PTPRD: variants seen among roughly 807,000 people sequenced by gnomAD.
The protein encoded by PTPRD is receptor-type tyrosine-protein phosphatase delta.
In PTPRD, 34 loss-of-function variants were observed where a neutral mutation model predicts 214.5. That is an observed-to-expected ratio of 0.16 (90% CI 0.12 to 0.21). PTPRD has a LOEUF of 0.21. PTPRD is among the 10% of genes least tolerant of loss of function. PTPRD has a pLI of 1.00. For missense variants in PTPRD, 2,545 were observed against 2,398.7 expected (o/e 1.06, Z -1.27); for synonymous variants, 1,128 against 845.7 (o/e 1.33, Z -5.79).
chr9:9,623,441 T>A (rs1255878552), intron 7 of PTPRD, among the ~76,000 whole-genome samples: 1 of 152,198 alleles, frequency 6.6e-6, no homozygotes, highest in Non-Finnish European at 1.5e-5. Flanking sequence ...ACAATGTGTC[T>A]TTTTCCAGTA....
rs541162664 is a variant in PTPRD at position 9,040,429 on chromosome 9, A to G, written c.-142-21694T>C. ...TGAATTAAGTTAGAAAATCCTAGAG[A>G]TTTTAAAGGTGTAGAATTTTAAAAC... On this transcript the variant is annotated intron_variant, in intron 10 of 45. Transcript: ENST00000381196. Among the ~76,000 whole-genome samples the G allele has an allele frequency of 2.9e-4, 44 of 152,260 alleles. 1 individual carries two copies. The South Asian group carries it at 9.1e-3, about 32-fold the overall frequency.
intron 4 of PTPRD, among the ~76,000 whole-genome samples, chr9:9,978,548 C>T (rs1269718041): frequency 6.6e-6 from 1 of 151,876 alleles, no homozygotes; most frequent in Non-Finnish European, 1.5e-5. Flanking sequence ...AATAAAAAAG[C>T]AGAGCATTAA....
At chr9:10,312,107 G>A (rs933340564) in intron 3 of PTPRD, among the ~76,000 whole-genome samples, 1 of 151,968 alleles carries the variant, frequency 6.6e-6, no homozygotes, top group Non-Finnish European at 1.5e-5. Context: ...AGTCCAGTGA[G>A]ATGGAATATA....
intron 14 of PTPRD, among the ~76,000 whole-genome samples, chr9:8,531,543 A>G (rs2075693532): frequency 6.6e-6 from 1 of 152,128 alleles, no homozygotes; most frequent in Non-Finnish European, 1.5e-5. Flanking sequence ...AGTTTCTGAA[A>G]AAGCTCTTAG....
chr9:9,405,493 G>A (rs978985036), intron 8 of PTPRD, among the ~76,000 whole-genome samples: 1 of 151,710 alleles, frequency 6.6e-6, no homozygotes, highest in African/African-American at 2.4e-5. Context: ...GACATCACTA[G>A]AAACACACTT....
chr9:10,074,851 A>G (rs1555551960), intron 3 of PTPRD, among the ~76,000 whole-genome samples: 1 of 152,116 alleles, frequency 6.6e-6, no homozygotes, highest in African/African-American at 2.4e-5. Context: ...TATAGCCACC[A>G]TTTCAGGCCT....
chr9:10,551,628 C>T (rs1049853524), intron 2 of PTPRD, among the ~76,000 whole-genome samples: 6 of 152,060 alleles, frequency 3.9e-5, no homozygotes, highest in Admixed American at 3.3e-4. Context: ...TCTGCCAGTA[C>T]CTTGATTTTG....
chr9:9,199,769 A>G (rs184809259), intron 9 of PTPRD, among the ~76,000 whole-genome samples: 52 of 151,778 alleles, frequency 3.4e-4, no homozygotes, highest in African/African-American at 1.2e-3. Flanking sequence ...TGATTTTATT[A>G]GAAACACGCT....
chr9:9,595,493 T>C (rs1235425601), intron 7 of PTPRD, among the ~76,000 whole-genome samples: 2 of 150,862 alleles, frequency 1.3e-5, no homozygotes, highest in Admixed American at 6.6e-5. Flanking sequence ...TGTATGCATA[T>C]GTACACATGT....
At chr9:8,685,356 G>A (rs1002401366) in intron 12 of PTPRD, among the ~76,000 whole-genome samples, 2 of 151,626 alleles carry the variant, frequency 1.3e-5, no homozygotes, top group African/African-American at 2.4e-5. Context: ...TCAGAATTTT[G>A]GGGAAAAAAA....
chr9:8,373,834 A>T (rs201428176), intron 39 of PTPRD, among the ~76,000 whole-genome samples: 1 of 105,186 alleles, frequency 9.5e-6, no homozygotes, highest in Admixed American at 1.5e-4. Flanking sequence ...GTATGTATGT[A>T]TGTATGTATG....
chr9:8,903,788 C>T (rs1054434010), intron 11 of PTPRD, among the ~76,000 whole-genome samples: 3 of 146,562 alleles, frequency 2.0e-5, no homozygotes, highest in South Asian at 2.1e-4. Context: ...ATTTAAAAGA[C>T]TACTCTGTAA....
At chr9:9,363,733 G>C (rs1459739182) in intron 9 of PTPRD, among the ~76,000 whole-genome samples, 1 of 151,296 alleles carries the variant, frequency 6.6e-6, no homozygotes, top group Non-Finnish European at 1.5e-5. Flanking sequence ...CTCTAAGAGA[G>C]CTTTGTGAGC....
intron 6 of PTPRD, among the ~76,000 whole-genome samples, chr9:9,739,301 C>G (rs995838912): frequency 6.6e-6 from 1 of 152,090 alleles, no homozygotes; most frequent in African/African-American, 2.4e-5. Context: ...TAGTTGTAAG[C>G]GTTTGCTAGA....
At chr9:9,391,953 C>G (rs879461643) in intron 9 of PTPRD, among the ~76,000 whole-genome samples, 1 of 152,062 alleles carries the variant, frequency 6.6e-6, no homozygotes, top group Non-Finnish European at 1.5e-5. Flanking sequence ...CTCAATTTTC[C>G]ACATTGTTAG....
At chr9:10,066,341 C>T (rs1396368324) in intron 3 of PTPRD, among the ~76,000 whole-genome samples, 1 of 151,798 alleles carries the variant, frequency 6.6e-6, no homozygotes, top group African/African-American at 2.4e-5. Context: ...ACACCCGTTT[C>T]AATGGATTCC....
chr9:10,124,902 G>T (rs1424215605), intron 3 of PTPRD, among the ~76,000 whole-genome samples: 1 of 152,122 alleles, frequency 6.6e-6, no homozygotes, highest in Non-Finnish European at 1.5e-5. Context: ...TAATCTAAAG[G>T]CAAGAACGTC....
chr9:9,312,099 T>G (rs75545221), intron 9 of PTPRD, among the ~76,000 whole-genome samples: 2,084 of 152,320 alleles, frequency 0.014, 48 homozygotes, highest in African/African-American at 0.047. Context: ...ATTTAGTTAG[T>G]GCCTCACAGA....
intron 14 of PTPRD, among the ~76,000 whole-genome samples, chr9:8,573,225 T>C (rs774883250): frequency 6.6e-6 from 1 of 152,024 alleles, no homozygotes; most frequent in Admixed American, 6.6e-5. Context: ...GTTCCAAAAA[T>C]TCTAAAAAAT....
Sources: allele counts gnomAD v4.1 joint callset (sites outside exome capture counted in the v4.1 genomes callset), GRCh38; gene constraint gnomAD v4.1.1; transcripts MANE v1.5; gene names NCBI Gene and HGNC (gene_info 2026-07-23, HGNC 2026-07-21).